Variants in BACH2 observed in about 807,000 individuals in gnomAD.
BACH2 encodes transcription regulator protein BACH2.
In BACH2, 5 loss-of-function variants were observed where a neutral mutation model predicts 61.8. The ratio of observed to expected loss-of-function variants is 0.08; its 90% CI spans 0.04 to 0.17. BACH2 has a LOEUF of 0.17. BACH2 is among the 10% of genes least tolerant of loss of function. The pLI, the probability that BACH2 is intolerant of heterozygous loss-of-function variation, is 1.00. For synonymous variants in BACH2, 446 were observed against 440.1 expected (o/e 1.01, Z -0.17); for missense variants, 824 against 1,091.1 (o/e 0.76, Z 3.45).
chr6:90,034,628 A>G (rs1450054649), intron 5 of BACH2, among the ~76,000 whole-genome samples: 1 of 152,214 alleles, frequency 6.6e-6, no homozygotes, highest in Non-Finnish European at 1.5e-5. Flanking sequence ...CAGGAAAGAT[A>G]ATTATGCAGT....
chr6:90,018,711 G>A (rs1778206931), intron 5 of BACH2, among the ~76,000 whole-genome samples: 1 of 152,144 alleles, frequency 6.6e-6, no homozygotes, highest in African/African-American at 2.4e-5. Flanking sequence ...CAATTACAAA[G>A]ATGCCTCTGT....
chr6:90,004,039 A>G (rs776592872), intron 6 of BACH2, among the ~76,000 whole-genome samples: 6 of 152,188 alleles, frequency 3.9e-5, no homozygotes, highest in Non-Finnish European at 7.3e-5. Context: ...GATAATCATG[A>G]CTGTCTTATT....
intron 8 of BACH2, among the ~76,000 whole-genome samples, chr6:89,933,341 A>G (rs935789383): frequency 6.6e-6 from 1 of 152,110 alleles, no homozygotes; most frequent in Admixed American, 6.6e-5. Context: ...AAAAAGCAAA[A>G]CTATGGAAGC....
At chr6:89,969,214 C>T (rs1775224854) in intron 6 of BACH2, among the ~76,000 whole-genome samples, 1 of 151,834 alleles carries the variant, frequency 6.6e-6, no homozygotes, top group Admixed American at 6.6e-5. Context: ...TCACCACGCC[C>T]AGCTAATTTT....
At chr6:90,053,444 A>G (rs911766883) in intron 5 of BACH2, among the ~76,000 whole-genome samples, 1 of 151,852 alleles carries the variant, frequency 6.6e-6, no homozygotes, top group African/African-American at 2.4e-5. Flanking sequence ...CCATTTGGCT[A>G]ATTTATTTAT....
chr6:90,102,739 G>A (rs754551134), intron 4 of BACH2, among the ~76,000 whole-genome samples: 7 of 150,378 alleles, frequency 4.7e-5, no homozygotes, highest in Non-Finnish European at 7.4e-5. Flanking sequence ...ACAGTGAGCC[G>A]AGATTGCGCC....
intron 3 of BACH2, among the ~76,000 whole-genome samples, chr6:90,235,581 G>A (rs1770234330): frequency 6.6e-6 from 1 of 152,254 alleles, no homozygotes; most frequent in South Asian, 2.1e-4. Context: ...CAGCTACCTG[G>A]GAGGTGGAGG....
chr6:90,267,787 T>C (rs559352369), intron 2 of BACH2, among the ~76,000 whole-genome samples: 3 of 152,268 alleles, frequency 2.0e-5, no homozygotes, highest in South Asian at 4.1e-4. Context: ...TTGTTTATGA[T>C]GCCATTTTCA....
chr6:90,047,455 A>C (rs983500870), intron 5 of BACH2, among the ~76,000 whole-genome samples: 2 of 152,066 alleles, frequency 1.3e-5, no homozygotes, highest in African/African-American at 4.8e-5. Context: ...CAGATGCCCT[A>C]CCCCACCTCG....
intron 3 of BACH2, among the ~76,000 whole-genome samples, chr6:90,244,798 CT>C: frequency 6.6e-6 from 1 of 152,242 alleles, no homozygotes; most frequent in East Asian, 1.9e-4. Flanking sequence ...CATCATCACC[CT>C]CATGGGCCTT....
chr6:90,033,783 C>T (rs1002306144), intron 5 of BACH2, among the ~76,000 whole-genome samples: 1 of 152,066 alleles, frequency 6.6e-6, no homozygotes, highest in Non-Finnish European at 1.5e-5. Context: ...CAAAATGGCA[C>T]AGCAGAAGTT....
chr6:89,983,689 A>T (rs1035182615), intron 6 of BACH2, among the ~76,000 whole-genome samples: 2 of 152,146 alleles, frequency 1.3e-5, no homozygotes, highest in African/African-American at 2.4e-5. Flanking sequence ...TAAATAAAAT[A>T]AAAAAGTCAG....
At chr6:90,143,194 C>A (rs948993354) in intron 4 of BACH2, among the ~76,000 whole-genome samples, 4 of 152,178 alleles carry the variant, frequency 2.6e-5, no homozygotes, top group Non-Finnish European at 4.4e-5. Flanking sequence ...GCACCAGACA[C>A]CCCTTTCCTT....
intron 3 of BACH2, among the ~76,000 whole-genome samples, chr6:90,248,638 G>T (rs1770710288): frequency 1.3e-5 from 2 of 152,268 alleles, no homozygotes; most frequent in South Asian, 4.1e-4. Context: ...GGGAGGTGGG[G>T]TGGGCATTTC....
intron 5 of BACH2, among the ~76,000 whole-genome samples, chr6:90,087,843 G>GT (rs1782002554): frequency 6.6e-6 from 1 of 151,910 alleles, no homozygotes; most frequent in Non-Finnish European, 1.5e-5. Flanking sequence ...GGAGAATGGG[G>GT]TATCCACCCC....
At chr6:90,039,575 G>A (rs1186228955) in intron 5 of BACH2, among the ~76,000 whole-genome samples, 2 of 152,034 alleles carry the variant, frequency 1.3e-5, no homozygotes, top group Non-Finnish European at 2.9e-5. Context: ...CAGTAGAGAC[G>A]GGGTTTCATC....
intron 3 of BACH2, among the ~76,000 whole-genome samples, chr6:90,219,526 T>C (rs1221747724): frequency 6.6e-6 from 1 of 152,212 alleles, no homozygotes; most frequent in Non-Finnish European, 1.5e-5. Flanking sequence ...TTCTCTGCCA[T>C]TCATCACGTA....
intron 7 of BACH2, among the ~76,000 whole-genome samples, chr6:89,942,059 T>C (rs987903182): frequency 1.3e-5 from 2 of 152,068 alleles, no homozygotes; most frequent in South Asian, 2.1e-4. Flanking sequence ...GGGTCAACTA[T>C]AGACTTTCTC....
chr6:89,978,633 T>TTA (rs1554222894), intron 6 of BACH2, among the ~76,000 whole-genome samples: 5 of 86,036 alleles, frequency 5.8e-5, no homozygotes, highest in African/African-American at 2.2e-4. Flanking sequence ...GTGTTGGCTT[T>TTA]AAAAAAAAAA....
Sources: gnomAD v4.1 joint callset for allele counts (sites outside exome capture counted in the v4.1 genomes callset) on GRCh38, gnomAD v4.1.1 for gene constraint, MANE v1.5 for transcripts, NCBI Gene and HGNC (gene_info 2026-07-23, HGNC 2026-07-21) for gene names.